PAX2: variants seen among roughly 807,000 people sequenced by gnomAD.
PAX2 encodes the protein paired box protein Pax-2.
In PAX2, 9 loss-of-function variants were observed where a neutral mutation model predicts 41.7. The ratio of observed to expected loss-of-function variants is 0.22; its 90% confidence interval spans 0.13 to 0.38. PAX2 has a LOEUF of 0.38. Ranked by LOEUF, PAX2 falls within the 10% of genes least tolerant of loss-of-function variation. The pLI is 1.00. For synonymous variants in PAX2, 221 were observed against 212.7 expected (o/e 1.04, Z -0.34); for missense variants, 418 against 531.6 (o/e 0.79, Z 2.10).
Position 100,745,847 on chromosome 10 carries a change from C to T in PAX2, c.-414C>T, listed in dbSNP as rs143696860. The T allele has an allele frequency of 9.9e-3, 11,175 of 1,126,854 alleles. 57 individuals are homozygous for T. The highest frequency in any genetic ancestry group is 0.011 in the Non-Finnish European group (10,431 of 921,034). The allele number at this position is 1,126,854 out of a possible 1,614,324, so 69.8% of individuals were successfully genotyped here. The stretch of plus-strand genomic sequence containing the variant: ...CCCCTCCCGGCGCCCTCTGACCGCC[C>T]CCGCCCCGCGCGCTCTCCGACCACC... On this transcript the variant is annotated 5_prime_UTR_variant, in exon 1 of 10. Transcript: ENST00000355243.
chr10:100,804,643 C>T (rs1847695059), intron 5 of PAX2, among the ~76,000 whole-genome samples: 1 of 152,214 alleles, frequency 6.6e-6, no homozygotes, highest in Non-Finnish European at 1.5e-5. Context: ...CAATCACACA[C>T]AGACACACAC....
intron 6 of PAX2, 70 bp downstream of exon 6, chr10:100,806,675 T>C: frequency 7.5e-7 from 1 of 1,329,430 alleles, no homozygotes; most frequent in Non-Finnish European, 1.1e-6. Context: ...AAAAACTTGT[T>C]CACTAAACAC....
At position 100,829,599 on chromosome 10, in the gene PAX2, T is replaced by C. The variant is rs1469941078; in HGVS notation, c.*1980T>C. On this transcript the variant is annotated 3_prime_UTR_variant, in exon 10 of 10. Transcript: ENST00000355243. ...ATCCTTGAACAAATCCGAAAAGGCT[T>C]GGAGTCCTCGCCCAGATCTCTCTCC... is the stretch of plus-strand genomic sequence containing the variant. The C allele has an allele frequency of 1.5e-5, 3 of 206,608 alleles. No individual in the cohort carries two copies. Among genetic ancestry groups the C allele is most frequent in the East Asian group, 1.4e-4 (2 of 14,094 alleles). 12.8% of individuals were successfully genotyped at this position (206,608 alleles called of 1,614,324 possible). A position where few individuals can be genotyped will look rare whatever the true frequency, so the allele number is the denominator to read the frequency against.
At chr10:100,786,846 G>A (rs906619168) in intron 5 of PAX2, 3 of 628,806 alleles carry the variant, frequency 4.8e-6, no homozygotes, top group Admixed American at 2.2e-5. Flanking sequence ...CCTTAGAAGG[G>A]GAGTCTGGTC....
At chr10:100,794,021 A>G (rs1254285338) in intron 5 of PAX2, among the ~76,000 whole-genome samples, 1 of 152,178 alleles carries the variant, frequency 6.6e-6, no homozygotes, top group East Asian at 1.9e-4. Flanking sequence ...ATGGGGCTTC[A>G]GCCTGGGAGC....
At chr10:100,764,098 T>G (rs1845930112) in intron 3 of PAX2, among the ~76,000 whole-genome samples, 2 of 152,080 alleles carry the variant, frequency 1.3e-5, no homozygotes, top group African/African-American at 4.8e-5. Context: ...TCTATTTCAG[T>G]GTGTATGCAT....
intron 6 of PAX2, 102 bp downstream of exon 6, chr10:100,806,707 A>C (rs142424995): frequency 1.0e-6 from 1 of 985,328 alleles, no homozygotes. Flanking sequence ...CCAGCATTGT[A>C]TGTGTTACAC....
chr10:100,738,205 G>C (rs555885900), intron 1 of PAX2, among the ~76,000 whole-genome samples: 4 of 152,074 alleles, frequency 2.6e-5, no homozygotes, highest in Non-Finnish European at 2.9e-5. Flanking sequence ...CTCCCCATTC[G>C]GGCGCCAGGC....
chr10:100,768,529 G>C (rs540196055), intron 3 of PAX2, among the ~76,000 whole-genome samples: 9 of 152,180 alleles, frequency 5.9e-5, no homozygotes, highest in Non-Finnish European at 8.8e-5. Context: ...CATGGGAGAG[G>C]ATAAGCGTGT....
chr10:100,782,006 A>T (rs937554177), intron 5 of PAX2, among the ~76,000 whole-genome samples: 3 of 152,122 alleles, frequency 2.0e-5, no homozygotes, highest in African/African-American at 7.2e-5. Flanking sequence ...GAAAAGAAAT[A>T]AGGGGGAGAG....
At position 100,786,827 on chromosome 10, in the gene PAX2, C is replaced by A. The variant is rs116576614; in HGVS notation, c.616+5462C>A. ...CTGTGAGGGAATTGCAGCTCAGAAC[C>A]CTTGTAGCCCTTAGAAGGGGAGTCT... On this transcript the variant is annotated intron_variant, in intron 5 of 9. Transcript: ENST00000355243. The A allele has an allele frequency of 2.0e-3, 1,107 of 548,342 alleles. 1 individual carries two copies. Among genetic ancestry groups the A allele is most frequent in the African/African-American group, 0.012 (601 of 51,930 alleles). The allele number at this position is 548,342 out of a possible 1,614,324, so 34.0% of individuals were successfully genotyped here.
intron 3 of PAX2, among the ~76,000 whole-genome samples, chr10:100,764,136 ATTTTTTTTT>A (rs145391942): frequency 4.8e-5 from 5 of 103,746 alleles, no homozygotes; most frequent in African/African-American, 8.2e-5. Flanking sequence ...CAAACATTGA[ATTTTTTTTT>A]TTTTTTTTTT....
intron 7 of PAX2, among the ~76,000 whole-genome samples, chr10:100,816,878 C>T (rs565784470): frequency 6.6e-6 from 1 of 152,316 alleles, no homozygotes; most frequent in South Asian, 2.1e-4. Flanking sequence ...CAGCCTAATG[C>T]TGCAGAGGCT....
chr10:100,809,245 G>A lies in PAX2; in HGVS notation c.919+9G>A, dbSNP rs1231118307. 1 of 1,612,600 alleles carries A rather than the reference G, an allele frequency of 6.2e-7. No homozygotes were observed. The highest frequency in any genetic ancestry group is 1.1e-5 in the South Asian group (1 of 91,058). ...ATACCCAGTTGTGACTGGTAAGGGGGCTTCCAGGAGGGTGGGGGCACTGCG... is the reference window on the plus strand; with the variant it reads ...ATACCCAGTTGTGACTGGTAAGGGGACTTCCAGGAGGGTGGGGGCACTGCG... On this transcript the variant is annotated intron_variant, in intron 7 of 9. Transcript: ENST00000355243.
chr10:100,793,705 C>T (rs768023342), intron 5 of PAX2, among the ~76,000 whole-genome samples: 18 of 152,214 alleles, frequency 1.2e-4, no homozygotes, highest in African/African-American at 4.3e-4. Context: ...CCTCTGTCCT[C>T]GGCAGTTTTC....
At chr10:100,775,024 G>A (rs1044858772) in intron 3 of PAX2, among the ~76,000 whole-genome samples, 14 of 152,220 alleles carry the variant, frequency 9.2e-5, no homozygotes, top group Admixed American at 3.9e-4. Context: ...AAGAGAAGTG[G>A]GGAGCAGGCA....
rs534079260 is a variant in PAX2 at position 100,828,125 on chromosome 10, G to C, written c.*506G>C. The C allele has an allele frequency of 4.3e-6, 1 of 230,746 alleles. No homozygotes were observed. The highest frequency in any genetic ancestry group is 2.2e-5 in the African/African-American group (1 of 45,068). 14.3% of individuals were successfully genotyped at this position (230,746 alleles called of 1,614,324 possible). On this transcript the variant is annotated 3_prime_UTR_variant, in exon 10 of 10. Coordinates refer to ENST00000355243, the MANE Select transcript of PAX2 (RefSeq NM_000278.5). The surrounding 1 kb of genome is among the most constrained non-coding windows in gnomAD (Gnocchi z 6.5). ...GGGCCAAGGAGATTAAGAAGAAAAC[G>C]ACTTTCTGCAGGAGGAAGAGCCCGC... is the stretch of plus-strand genomic sequence containing the variant.
rs150011447 is a variant in PAX2 at position 100,806,774 on chromosome 10, G to A, written c.792+169G>A. ...GGCTCACATGAGACAGTATGGTATC[G>A]TTAAGACAAATCATTATGGTCTGTA... On this transcript the variant is annotated intron_variant, in intron 6 of 9. Coordinates refer to ENST00000355243, the MANE Select transcript of PAX2 (RefSeq NM_000278.5). Among the ~76,000 whole-genome samples, 906 of 152,270 alleles carry A rather than the reference G, an allele frequency of 5.9e-3. 6 individuals are homozygous for A. Among genetic ancestry groups the A allele is most frequent in the African/African-American group, 0.02 (811 of 41,544 alleles).
intron 1 of PAX2, 145 bp from the exon 2 acceptor site, chr10:100,749,601 G>C: frequency 6.9e-7 from 1 of 1,439,102 alleles, no homozygotes. Flanking sequence ...CGTGGTCGTG[G>C]AGGTCCACCA....
Sources: gnomAD v4.1 joint callset for allele counts (sites outside exome capture counted in the v4.1 genomes callset) on GRCh38, gnomAD v4.1.1 for gene constraint, Gnocchi (gnomAD v3.1) non-coding constraint, MANE v1.5 for transcripts, NCBI Gene and HGNC (gene_info 2026-07-23, HGNC 2026-07-21) for gene names.